Variants in ZSWIM6 observed in about 807,000 individuals in gnomAD.
ZSWIM6 encodes zinc finger SWIM-type containing 6.
A neutral mutation model predicts 113.2 loss-of-function variants in ZSWIM6; 9 were observed. The observed-to-expected ratio is 0.08, with a 90% CI of 0.05 to 0.14. The LOEUF is 0.14. ZSWIM6 is among the 10% of genes least tolerant of loss of function. The pLI, the probability that ZSWIM6 is intolerant of heterozygous loss-of-function variation, is 1.00. For synonymous variants in ZSWIM6, 611 were observed against 606.5 expected (o/e 1.01, Z -0.11); for missense variants, 1,162 against 1,552.2 (o/e 0.75, Z 4.22).
At position 61,370,987 on chromosome 5, in the gene ZSWIM6, G is replaced by T. The variant is rs1035130404; in HGVS notation, c.676+38039G>T. 2.6e-5 allele frequency among the ~76,000 whole-genome samples: 4 copies of T among 152,322 alleles called. No individual in the cohort carries two copies. In the South Asian group the frequency reaches 6.2e-4, roughly 24 times the overall value. ...CTCCTGTCCTCTTTTTCATCAGTTG[G>T]TAAAGGTTGTGGAGGGCCATAGTGG... On this transcript the variant is annotated intron_variant, in intron 1 of 13. Transcript: ENST00000252744.
intron 4 of ZSWIM6, among the ~76,000 whole-genome samples, chr5:61,500,885 G>T (rs72761457): frequency 2.0e-3 from 300 of 152,210 alleles, no homozygotes; most frequent in Non-Finnish European, 3.4e-3. Flanking sequence ...TGAACTAGGC[G>T]CTGATAATGA....
chr5:61,502,545 G>A (rs895106890), intron 4 of ZSWIM6, among the ~76,000 whole-genome samples: 5 of 152,268 alleles, frequency 3.3e-5, no homozygotes, highest in African/African-American at 1.2e-4. Flanking sequence ...AAAGGATTCC[G>A]ATATTATAAA....
intron 1 of ZSWIM6, among the ~76,000 whole-genome samples, chr5:61,346,572 T>G (rs1744662754): frequency 6.6e-6 from 1 of 152,230 alleles, no homozygotes; most frequent in Non-Finnish European, 1.5e-5. Context: ...TTAATGCAAT[T>G]TACGTTTTGT....
intron 1 of ZSWIM6, among the ~76,000 whole-genome samples, chr5:61,462,902 C>A (rs1747348820): frequency 6.6e-6 from 1 of 152,146 alleles, no homozygotes; most frequent in South Asian, 2.1e-4. Flanking sequence ...AATTCTCTTT[C>A]CAGTCCTACC....
chr5:61,499,701 C>T (rs1050641606), intron 4 of ZSWIM6, among the ~76,000 whole-genome samples: 1 of 152,080 alleles, frequency 6.6e-6, no homozygotes, highest in South Asian at 2.1e-4. Context: ...GAGTAGAGAG[C>T]CTTCAAACTC....
At chr5:61,336,310 C>T (rs1383534393) in intron 1 of ZSWIM6, among the ~76,000 whole-genome samples, 1 of 151,984 alleles carries the variant, frequency 6.6e-6, no homozygotes, top group African/African-American at 2.4e-5. Flanking sequence ...GGAGCTGCCT[C>T]TATAGGTGCT....
intron 1 of ZSWIM6, among the ~76,000 whole-genome samples, chr5:61,368,087 A>T (rs1236816785): frequency 1.3e-5 from 2 of 152,186 alleles, no homozygotes; most frequent in Admixed American, 1.3e-4. Flanking sequence ...TGATAATGCC[A>T]CTGTACTCCA....
At chr5:61,464,570 G>A (rs1467107305) in intron 1 of ZSWIM6, among the ~76,000 whole-genome samples, 1 of 152,042 alleles carries the variant, frequency 6.6e-6, no homozygotes, top group African/African-American at 2.4e-5. Context: ...ATTAGGAATG[G>A]TTAGCGCCAA....
chr5:61,351,523 A>G (rs1371273194), intron 1 of ZSWIM6, among the ~76,000 whole-genome samples: 2 of 152,226 alleles, frequency 1.3e-5, no homozygotes, highest in Admixed American at 6.5e-5. Context: ...ATTTCCCCCA[A>G]TTTAAAGATT....
At chr5:61,393,753 G>T (rs1351395797) in intron 1 of ZSWIM6, among the ~76,000 whole-genome samples, 1 of 147,902 alleles carries the variant, frequency 6.8e-6, no homozygotes, top group Non-Finnish European at 1.5e-5. Flanking sequence ...AAAAAAAAAT[G>T]TACTTTTAGA....
chr5:61,343,142 A>G (rs1490009406), intron 1 of ZSWIM6, among the ~76,000 whole-genome samples: 2 of 152,234 alleles, frequency 1.3e-5, no homozygotes, highest in Non-Finnish European at 2.9e-5. Context: ...GAGATTTGAC[A>G]TTCTTTGAAA....
Position 61,531,718 on chromosome 5 carries a change from A to G in ZSWIM6, c.2238A>G (p.Leu746=), listed in dbSNP as rs1749439451. The stretch of plus-strand genomic sequence containing the variant: ...TTTTTCGCAAGCAAGCAGTCTTCCT[A>G]TTAGAAGGTAGCCTGATACAGAAGT... ...VKIFRKQAVF[L]LEAGPYSGLG... Residue 746 remains leucine (L), a synonymous_variant, in exon 9 of 14, where the codon CTA becomes CTG. Coordinates refer to ENST00000252744, the MANE Select transcript of ZSWIM6 (RefSeq NM_020928.2). 6.4e-6 allele frequency: 10 copies of G among 1,551,452 alleles called. No homozygotes were observed. Among genetic ancestry groups the G allele is most frequent in the Middle Eastern group, 1.7e-4 (1 of 5,952 alleles).
intron 1 of ZSWIM6, among the ~76,000 whole-genome samples, chr5:61,425,908 C>T (rs921876035): frequency 3.9e-5 from 6 of 152,142 alleles, no homozygotes; most frequent in African/African-American, 9.7e-5. Context: ...GAACTTCGAA[C>T]GTTATGTTCA....
At chr5:61,527,230 G>T (rs536243144) in intron 7 of ZSWIM6, among the ~76,000 whole-genome samples, 1 of 152,184 alleles carries the variant, frequency 6.6e-6, no homozygotes, top group South Asian at 2.1e-4. Context: ...TGTACATCTT[G>T]TTCCTTCTAT....
intron 1 of ZSWIM6, among the ~76,000 whole-genome samples, chr5:61,367,817 A>G (rs1348436269): frequency 6.6e-6 from 1 of 152,120 alleles, no homozygotes; most frequent in African/African-American, 2.4e-5. Context: ...ACATTTATGA[A>G]GTACATTTAA....
At chr5:61,456,064 G>T (rs1747200524) in intron 1 of ZSWIM6, among the ~76,000 whole-genome samples, 1 of 151,980 alleles carries the variant, frequency 6.6e-6, no homozygotes, top group Non-Finnish European at 1.5e-5. Context: ...ATCTGATTAT[G>T]CCAGCATAGT....
intron 1 of ZSWIM6, among the ~76,000 whole-genome samples, chr5:61,388,743 A>T (rs1745643313): frequency 6.6e-6 from 1 of 152,230 alleles, no homozygotes; most frequent in Admixed American, 6.5e-5. Flanking sequence ...CTGTGTAGTG[A>T]CTGAGAGCTT....
intron 1 of ZSWIM6, among the ~76,000 whole-genome samples, chr5:61,382,161 A>T (rs1745500890): frequency 1.3e-5 from 2 of 152,224 alleles, no homozygotes; most frequent in Admixed American, 1.3e-4. Flanking sequence ...ATGCTGTGTC[A>T]TGCATGCCGA....
chr5:61,524,216 A>G (rs940241191), intron 5 of ZSWIM6, among the ~76,000 whole-genome samples: 1 of 152,180 alleles, frequency 6.6e-6, no homozygotes, highest in Non-Finnish European at 1.5e-5. Flanking sequence ...GGGTATGTTT[A>G]TTCTGCTCAG....
Sources: gnomAD v4.1 joint callset for allele counts (sites outside exome capture counted in the v4.1 genomes callset) on GRCh38, gnomAD v4.1.1 for gene constraint, MANE v1.5 for transcripts, NCBI Gene and HGNC (gene_info 2026-07-23, HGNC 2026-07-21) for gene names.